FOCAD: variants seen among roughly 807,000 people sequenced by gnomAD.
The protein encoded by FOCAD is KIAA1797.
A neutral mutation model predicts 225.6 loss-of-function variants in FOCAD; 198 were observed. That is an observed-to-expected ratio of 0.88 (90% CI 0.78 to 0.99). FOCAD has a LOEUF of 0.99. Among genes scored for constraint, FOCAD ranks in the 50% least tolerant of loss-of-function variants. The pLI is 0.00. For missense variants in FOCAD, 2,713 were observed against 2,123.6 expected (o/e 1.28, Z -5.46); for synonymous variants, 897 against 755.0 (o/e 1.19, Z -3.08).
chr9:20,903,764 C>T (rs1832736996), intron 21 of FOCAD, among the ~76,000 whole-genome samples: 1 of 151,888 alleles, frequency 6.6e-6, no homozygotes, highest in Non-Finnish European at 1.5e-5. Flanking sequence ...ATAAAACAAA[C>T]CATTTTAAAG....
intron 17 of FOCAD, 37 bp downstream of exon 17, chr9:20,866,013 G>A: frequency 1.3e-6 from 2 of 1,531,470 alleles, no homozygotes; most frequent in African/African-American, 2.8e-5. Context: ...TCAGAACAAA[G>A]CTAAGGAAAT....
intron 22 of FOCAD, among the ~76,000 whole-genome samples, chr9:20,908,718 A>G (rs910022546): frequency 5.3e-5 from 8 of 151,202 alleles, no homozygotes; most frequent in African/African-American, 1.7e-4. Flanking sequence ...TCATGTCTCT[A>G]TATTTCTTTA....
intron 6 of FOCAD, 115 bp from the exon 7 acceptor site, chr9:20,764,754 A>C: frequency 1.3e-6 from 1 of 799,764 alleles, no homozygotes; most frequent in South Asian, 1.7e-5. Flanking sequence ...AAGAAGTTAC[A>C]CTTGATGATA....
intron 8 of FOCAD, among the ~76,000 whole-genome samples, chr9:20,776,689 T>G (rs1460024706): frequency 6.6e-6 from 1 of 152,212 alleles, no homozygotes; most frequent in East Asian, 1.9e-4. Flanking sequence ...TCTGTTCCAT[T>G]TCAGAACTCT....
chr9:20,748,704 C>T (rs1391290820), intron 5 of FOCAD, among the ~76,000 whole-genome samples: 2 of 152,070 alleles, frequency 1.3e-5, no homozygotes, highest in Non-Finnish European at 2.9e-5. Flanking sequence ...TCCATTCTTT[C>T]TCTCTAGCTA....
rs146898110 is a variant in FOCAD, at chr9:20,668,875, T to C, written c.-78+10049T>C. ...AGTGGTGATCACACCAGACAAACTT[T>C]ATTGCCCATCCTGTTCCCAGGCTGT... is the stretch of plus-strand genomic sequence containing the variant. On this transcript the variant is annotated intron_variant, in intron 2 of 45. Coordinates refer to the FOCAD transcript ENST00000380249. Among the ~76,000 whole-genome samples, 229 of 151,676 alleles carry C rather than the reference T, an allele frequency of 1.5e-3. 2 individuals are homozygous for C. Among genetic ancestry groups the C allele is most frequent in the African/African-American group, 5.0e-3 (207 of 41,556 alleles).
chr9:20,969,395 T>C (rs749096980), intron 35 of FOCAD, among the ~76,000 whole-genome samples: 12 of 152,138 alleles, frequency 7.9e-5, no homozygotes, highest in Non-Finnish European at 1.2e-4. Context: ...ACCGTTACTG[T>C]AGAGCTATCT....
chr9:20,962,023 T>C (rs1838776913), intron 35 of FOCAD, among the ~76,000 whole-genome samples: 1 of 152,166 alleles, frequency 6.6e-6, no homozygotes, highest in African/African-American at 2.4e-5. Context: ...TAGTTCCCAC[T>C]AATAGGCAAT....
At chr9:20,976,298 T>C (rs533880196) in intron 35 of FOCAD, 122 bp from the exon 36 acceptor site, 1 of 868,492 alleles carries the variant, frequency 1.2e-6, no homozygotes, top group African/African-American at 1.7e-5. Context: ...GAAGCGTTGA[T>C]CGCAATTGAA....
At chr9:20,740,930 G>C (rs549380739) in intron 5 of FOCAD, among the ~76,000 whole-genome samples, 1 of 152,298 alleles carries the variant, frequency 6.6e-6, no homozygotes, top group South Asian at 2.1e-4. Flanking sequence ...ACTTCCTTGT[G>C]AAGGTGACCT....
chr9:20,909,242 C>G (rs1229961686), intron 22 of FOCAD, among the ~76,000 whole-genome samples: 1 of 151,910 alleles, frequency 6.6e-6, no homozygotes, highest in African/African-American at 2.4e-5. Flanking sequence ...TACAGAAACC[C>G]TTTGAAGTAG....
intron 16 of FOCAD, among the ~76,000 whole-genome samples, chr9:20,865,115 T>G (rs1235076949): frequency 2.0e-5 from 3 of 151,978 alleles, no homozygotes; most frequent in Non-Finnish European, 4.4e-5. Flanking sequence ...CAAAGGTAGG[T>G]AAAGGAGATA....
chr9:20,976,405 C>A lies in FOCAD; in HGVS notation c.4133-15C>A. 3 of 1,609,574 alleles carry A rather than the reference C, an allele frequency of 1.9e-6. No individual in the cohort carries two copies. The highest frequency in any genetic ancestry group is 2.5e-6 in the Non-Finnish European group (3 of 1,177,200). ...ATGCAGGTGTTTTACTATTATTTTT[C>A]ACTGTCTGTTATAGGTCCTGAATCT... On this transcript the variant is annotated splice_polypyrimidine_tract_variant and intron_variant, in intron 35 of 43. Transcript: ENST00000338382.
rs868475374 is a variant in FOCAD, at chr9:20,758,103, C to T, written c.406C>T (p.Pro136Ser). The T allele has an allele frequency of 1.2e-6, 2 of 1,606,384 alleles. No homozygotes were observed. The highest frequency in any genetic ancestry group is 1.7e-6 in the Non-Finnish European group (2 of 1,177,388). ...SIYTIRNHPH[P>S]LITVLEHRPD... is the part of the protein sequence containing the mutation. ...TGTGTCTTTCAGAAATCATCCTCATCCTTTGATAACTGTGCTTGAACACAG... is the reference window on the plus strand; with the variant it reads ...TGTGTCTTTCAGAAATCATCCTCATTCTTTGATAACTGTGCTTGAACACAG... Residue 136 changes from proline (P) to serine (S), a missense_variant, in exon 6 of 44, where the codon CCT becomes TCT. Physicochemically the swap from Pro to Ser is moderately conservative, Grantham distance 74. Coordinates refer to ENST00000338382, the MANE Select transcript of FOCAD (RefSeq NM_001375567.1).
intron 9 of FOCAD, among the ~76,000 whole-genome samples, chr9:20,779,500 G>A (rs1819144204): frequency 6.6e-6 from 1 of 152,126 alleles, no homozygotes; most frequent in African/African-American, 2.4e-5. Context: ...TAATCCCAAC[G>A]CTTTGGGAGG....
chr9:20,981,191 C>A (rs1327209672), intron 37 of FOCAD, among the ~76,000 whole-genome samples: 1 of 152,138 alleles, frequency 6.6e-6, no homozygotes, highest in Admixed American at 6.6e-5. Flanking sequence ...GATGGGTTGG[C>A]AGATCCCATA....
chr9:20,803,751 A>G (rs1822096355), intron 11 of FOCAD, among the ~76,000 whole-genome samples: 1 of 152,146 alleles, frequency 6.6e-6, no homozygotes, highest in South Asian at 2.1e-4. Context: ...ATGGAGCAGT[A>G]GGTTAATCCC....
intron 11 of FOCAD, among the ~76,000 whole-genome samples, chr9:20,794,659 T>A (rs1820872450): frequency 6.6e-6 from 1 of 152,136 alleles, no homozygotes. Context: ...ACCTCAAGGA[T>A]GAAGGGAAAA....
chr9:20,937,333 A>G (rs1461026538), intron 28 of FOCAD, among the ~76,000 whole-genome samples: 4 of 151,534 alleles, frequency 2.6e-5, no homozygotes, highest in African/African-American at 9.7e-5. Context: ...AAACTATACT[A>G]CAAGGCTACA....
Sources: allele counts gnomAD v4.1 joint callset (sites outside exome capture counted in the v4.1 genomes callset), GRCh38; gene constraint gnomAD v4.1.1; transcripts MANE v1.5; gene names NCBI Gene and HGNC (gene_info 2026-07-23, HGNC 2026-07-21).